HIBADH: variants seen among roughly 807,000 people sequenced by gnomAD.
HIBADH encodes the protein 3-hydroxyisobutyrate dehydrogenase, mitochondrial.
HIBADH carries 25 observed loss-of-function variants against 36.1 expected under a neutral mutation model. The observed-to-expected ratio is 0.69, with a 90% confidence interval of 0.50 to 0.97. HIBADH has a LOEUF of 0.97. Among genes scored for constraint, HIBADH ranks in the 50% least tolerant of loss-of-function variants. HIBADH has a pLI of 0.00. For synonymous variants in HIBADH, 160 were observed against 149.5 expected, an observed-to-expected ratio of 1.07 and a Z score of -0.51; for missense variants, 421 against 418.0, an observed-to-expected ratio of 1.01 and a Z score of -0.06.
intron 4 of HIBADH, among the ~76,000 whole-genome samples, chr7:27,595,400 C>G (rs956587995): frequency 1.3e-5 from 2 of 152,050 alleles, no homozygotes; most frequent in African/African-American, 4.8e-5. Flanking sequence ...TGCCTGTAAT[C>G]CCAGCTACTC....
chr7:27,577,128 T>C (rs1784721807), intron 4 of HIBADH, among the ~76,000 whole-genome samples: 1 of 151,476 alleles, frequency 6.6e-6, no homozygotes, highest in Admixed American at 6.6e-5. Flanking sequence ...AAATTACTTC[T>C]ACAGCACATT....
At chr7:27,616,004 T>C (rs751565922) in intron 4 of HIBADH, among the ~76,000 whole-genome samples, 1 of 152,164 alleles carries the variant, frequency 6.6e-6, no homozygotes, top group Non-Finnish European at 1.5e-5. Flanking sequence ...GGATAATTTA[T>C]AAAGAATAGA....
At chr7:27,585,841 A>AC (rs1784854141) in intron 4 of HIBADH, among the ~76,000 whole-genome samples, 1 of 151,778 alleles carries the variant, frequency 6.6e-6, no homozygotes, top group Non-Finnish European at 1.5e-5. Context: ...TAGGTACATG[A>AC]TTTTTTTTTA....
intron 4 of HIBADH, among the ~76,000 whole-genome samples, chr7:27,590,834 T>G (rs571850798): frequency 2.4e-4 from 37 of 152,360 alleles, no homozygotes; most frequent in Non-Finnish European, 2.2e-4. Context: ...TTATACCATT[T>G]AAGAAGATAC....
At chr7:27,635,228 T>G (rs189557370) in intron 2 of HIBADH, among the ~76,000 whole-genome samples, 1 of 152,034 alleles carries the variant, frequency 6.6e-6, no homozygotes, top group Non-Finnish European at 1.5e-5. Context: ...CCTGAAATAA[T>G]TGACTGACAA....
At chr7:27,612,189 G>A (rs953010263) in intron 4 of HIBADH, among the ~76,000 whole-genome samples, 1 of 152,058 alleles carries the variant, frequency 6.6e-6, no homozygotes, top group Non-Finnish European at 1.5e-5. Context: ...CAGAAGATGA[G>A]ATTAAAGTGT....
At chr7:27,589,042 T>TC (rs1353614041) in intron 4 of HIBADH, among the ~76,000 whole-genome samples, 1 of 152,224 alleles carries the variant, frequency 6.6e-6, no homozygotes, top group East Asian at 1.9e-4. Flanking sequence ...TTAGGAACTA[T>TC]CTGCATTTGC....
At chr7:27,596,936 G>A (rs1235652735) in intron 4 of HIBADH, among the ~76,000 whole-genome samples, 1 of 151,924 alleles carries the variant, frequency 6.6e-6, no homozygotes, top group African/African-American at 2.4e-5. Context: ...TTTTAAAAAA[G>A]TAATTTGCAA....
At chr7:27,659,982 G>A (rs568762998) in intron 1 of HIBADH, among the ~76,000 whole-genome samples, 1 of 152,284 alleles carries the variant, frequency 6.6e-6, no homozygotes, top group East Asian at 1.9e-4. Context: ...CTTGAGTACA[G>A]GAGTTCAAGG....
At chr7:27,661,266 G>C (rs1337338930) in intron 1 of HIBADH, among the ~76,000 whole-genome samples, 3 of 152,054 alleles carry the variant, frequency 2.0e-5, no homozygotes, top group Non-Finnish European at 4.4e-5. Context: ...GTTTCACTGA[G>C]GGGGAGAATG....
intron 6 of HIBADH, among the ~76,000 whole-genome samples, chr7:27,534,617 T>C (rs1784047126): frequency 6.6e-6 from 1 of 152,136 alleles, no homozygotes; most frequent in Admixed American, 6.6e-5. Flanking sequence ...GGGTGCCTAA[T>C]ACCTGCCAGG....
intron 4 of HIBADH, among the ~76,000 whole-genome samples, chr7:27,589,216 G>A (rs1365594874): frequency 2.0e-5 from 3 of 152,096 alleles, no homozygotes; most frequent in Admixed American, 6.5e-5. Context: ...GGGTAAGTAT[G>A]CTTCTATTAC....
chr7:27,650,291 A>AT (rs1422758233), intron 1 of HIBADH, among the ~76,000 whole-genome samples: 1 of 151,094 alleles, frequency 6.6e-6, no homozygotes, highest in Non-Finnish European at 1.5e-5. Flanking sequence ...AAAAAAAAAA[A>AT]ACTCAAAAAG....
intron 4 of HIBADH, among the ~76,000 whole-genome samples, chr7:27,606,341 A>G (rs745604635): frequency 3.3e-5 from 5 of 152,210 alleles, no homozygotes; most frequent in Non-Finnish European, 7.3e-5. Context: ...CCCTAAATAA[A>G]CACAGATCCC....
intron 4 of HIBADH, among the ~76,000 whole-genome samples, chr7:27,557,022 C>G (rs867121636): frequency 1.6e-4 from 25 of 151,966 alleles, no homozygotes; most frequent in African/African-American, 6.0e-4. Context: ...TGCCTGTGGT[C>G]CTAGCTACTC....
intron 4 of HIBADH, among the ~76,000 whole-genome samples, chr7:27,550,945 T>C (rs1431758288): frequency 6.6e-6 from 1 of 152,214 alleles, no homozygotes; most frequent in African/African-American, 2.4e-5. Flanking sequence ...TATTGTAATC[T>C]TGAAAATTAC....
At chr7:27,526,696 T>TA (rs199696553) in intron 7 of HIBADH, among the ~76,000 whole-genome samples, 1 of 151,748 alleles carries the variant, frequency 6.6e-6, no homozygotes, top group Non-Finnish European at 1.5e-5. Flanking sequence ...AAATTTTTTT[T>TA]AAAAAATTCT....
chr7:27,638,764 A>G (rs984832908), intron 2 of HIBADH, among the ~76,000 whole-genome samples: 1 of 152,212 alleles, frequency 6.6e-6, no homozygotes, highest in Admixed American at 6.5e-5. Context: ...AAACAACTGC[A>G]TTAAAGAGTA....
At chr7:27,557,143 A>AG (rs1784402526) in intron 4 of HIBADH, among the ~76,000 whole-genome samples, 1 of 87,392 alleles carries the variant, frequency 1.1e-5, no homozygotes, top group South Asian at 3.9e-4. Flanking sequence ...CTGTCTAAAA[A>AG]GGAAAAAAAA....
Sources: allele counts gnomAD v4.1 joint callset (sites outside exome capture counted in the v4.1 genomes callset), GRCh38; gene constraint gnomAD v4.1.1; transcripts MANE v1.5; gene names NCBI Gene and HGNC (gene_info 2026-07-23, HGNC 2026-07-21).